TMPRSS15: variants seen among roughly 807,000 people sequenced by gnomAD.
TMPRSS15 encodes enteropeptidase.
Under a neutral mutation model 125.3 loss-of-function variants are expected in TMPRSS15, and 128 were observed. That is an observed-to-expected ratio of 1.02 (90% CI 0.89 to 1.18). TMPRSS15 has a LOEUF of 1.18. Ranked by LOEUF, TMPRSS15 falls within the 50% of genes most tolerant of loss-of-function variation. The pLI is 0.00. For synonymous variants in TMPRSS15, 446 were observed against 423.2 expected, an observed-to-expected ratio of 1.05 and a Z score of -0.66; for missense variants, 1,283 against 1,212.7, an observed-to-expected ratio of 1.06 and a Z score of -0.86.
At chr21:18,382,910 G>A (rs2075905937) in intron 4 of TMPRSS15, among the ~76,000 whole-genome samples, 1 of 151,934 alleles carries the variant, frequency 6.6e-6, no homozygotes, top group African/African-American at 2.4e-5. Flanking sequence ...TATTTTTGAT[G>A]TTCCATATTT....
chr21:18,394,869 T>C (rs2076020599), intron 3 of TMPRSS15, among the ~76,000 whole-genome samples: 1 of 152,166 alleles, frequency 6.6e-6, no homozygotes, highest in Admixed American at 6.5e-5. Flanking sequence ...CACTCTGACT[T>C]TCTGAGTATT....
At chr21:18,278,408 A>G (rs1406106317) in intron 23 of TMPRSS15, among the ~76,000 whole-genome samples, 2 of 152,130 alleles carry the variant, frequency 1.3e-5, no homozygotes, top group Non-Finnish European at 2.9e-5. Context: ...TGCAATCTGA[A>G]GAAATTTTTA....
At chr21:18,411,843 G>A (rs117544315) in intron 1 of TMPRSS15, among the ~76,000 whole-genome samples, 3,009 of 152,220 alleles carry the variant, frequency 0.02, 49 homozygotes, top group Non-Finnish European at 0.031. Context: ...AGAACATGCT[G>A]AACCGCATAG....
intron 16 of TMPRSS15, among the ~76,000 whole-genome samples, chr21:18,315,859 A>C (rs1451760416): frequency 6.8e-6 from 1 of 147,098 alleles, no homozygotes; most frequent in East Asian, 2.0e-4. Context: ...ATATATATAT[A>C]TAAAATAATA....
intron 12 of TMPRSS15, 81 bp downstream of exon 12, chr21:18,343,425 A>T (rs1001871620): frequency 3.8e-6 from 5 of 1,299,242 alleles, no homozygotes; most frequent in Admixed American, 2.0e-5. Context: ...AAATACATTA[A>T]TTTTTTCACT....
chr21:18,372,238 C>T lies in TMPRSS15; in HGVS notation c.619G>A (p.Glu207Lys), dbSNP rs377566419. ...TCAGAACCATCTGGACAGTTTACTT[C>T]TCCATCACAAAATAAATCAGCTTTT... ...CIKADLFCDG[E>K]VNCPDGSDED... Residue 207 changes from glutamate to lysine, a missense_variant, in exon 6 of 25, where the codon GAA becomes AAA. By Grantham distance (56) the Glu-to-Lys change is moderately conservative. Transcript: ENST00000284885. The T allele has an allele frequency of 6.2e-7, 1 of 1,612,420 alleles. No individual in the cohort carries two copies.
At chr21:18,451,289 T>C (rs1978335698) in intron 1 of TMPRSS15, among the ~76,000 whole-genome samples, 1 of 152,208 alleles carries the variant, frequency 6.6e-6, no homozygotes. Flanking sequence ...TTATTTTTAC[T>C]GTACACAGTT....
intron 1 of TMPRSS15, among the ~76,000 whole-genome samples, chr21:18,465,023 C>A (rs2122955101): frequency 2.0e-5 from 3 of 152,240 alleles, no homozygotes; most frequent in South Asian, 2.1e-4. Context: ...AAAATACAGG[C>A]AAAACGAATA....
intron 22 of TMPRSS15, 34 bp downstream of exon 22, chr21:18,281,006 G>C: frequency 1.9e-6 from 3 of 1,601,758 alleles, no homozygotes; most frequent in Non-Finnish European, 2.6e-6. Flanking sequence ...AATTTTGGCA[G>C]ATAAGATGAC....
intron 22 of TMPRSS15, among the ~76,000 whole-genome samples, chr21:18,279,678 T>C (rs1386189269): frequency 2.0e-5 from 3 of 151,942 alleles, no homozygotes; most frequent in Non-Finnish European, 4.4e-5. Context: ...GTTCTGGAGG[T>C]AATCATTTAT....
chr21:18,470,820 T>C (rs1326974468), intron 1 of TMPRSS15, among the ~76,000 whole-genome samples: 2 of 152,048 alleles, frequency 1.3e-5, no homozygotes, highest in Non-Finnish European at 2.9e-5. Flanking sequence ...CCTCAAAATA[T>C]AGTATAAAAA....
chr21:18,459,573 T>C (rs761647633), intron 1 of TMPRSS15, among the ~76,000 whole-genome samples: 1 of 152,146 alleles, frequency 6.6e-6, no homozygotes, highest in Non-Finnish European at 1.5e-5. Context: ...TACTCTTAAG[T>C]CAATATCTCA....
chr21:18,393,725 A>T (rs1569053542), intron 3 of TMPRSS15, among the ~76,000 whole-genome samples: 1 of 152,208 alleles, frequency 6.6e-6, no homozygotes, highest in Non-Finnish European at 1.5e-5. Context: ...TACCTTAATC[A>T]TCACATAAAT....
chr21:18,483,971 T>C (rs1979032199), intron 1 of TMPRSS15, among the ~76,000 whole-genome samples: 1 of 151,918 alleles, frequency 6.6e-6, no homozygotes, highest in African/African-American at 2.4e-5. Flanking sequence ...TTATTTTTTA[T>C]TTTATATGAC....
intron 18 of TMPRSS15, among the ~76,000 whole-genome samples, chr21:18,306,252 T>C (rs2075037128): frequency 6.6e-6 from 1 of 152,192 alleles, no homozygotes; most frequent in Non-Finnish European, 1.5e-5. Context: ...GCAGAAGCAC[T>C]ATATGTCTAC....
At chr21:18,410,114 G>T in intron 1 of TMPRSS15, among the ~76,000 whole-genome samples, 1 of 114,948 alleles carries the variant, frequency 8.7e-6, no homozygotes, top group African/African-American at 4.3e-5. Flanking sequence ...ACCTGGATAT[G>T]CATTTTTTTT....
rs143461162 is a variant in TMPRSS15 at position 18,383,735 on chromosome 21, A to G, written c.388T>C (p.Trp130Arg). The G allele has an allele frequency of 1.2e-4, 190 of 1,613,832 alleles. No homozygotes were observed. The highest frequency in any genetic ancestry group is 1.5e-4 in the Non-Finnish European group (181 of 1,179,880). Residue 130 changes from tryptophan (W) to arginine (R), a missense_variant, in exon 4 of 25, where the codon TGG becomes CGG. Physicochemically the swap from Trp to Arg is moderately radical, Grantham distance 101. Transcript: ENST00000284885. ...TCTTTTACATTTTCATCTGACACCC[A>G]CTGGGCAAAGAAAAGGTCAAATACG... is the stretch of plus-strand genomic sequence containing the variant. ...IVVFDLFFAQ[W>R]VSDENVKEEL...
Position 18,353,026 on chromosome 21 carries a change from C to G in TMPRSS15, c.1048G>C (p.Glu350Gln). The G allele has an allele frequency of 6.2e-7, 1 of 1,610,156 alleles. No homozygotes were observed. The highest frequency in any genetic ancestry group is 8.5e-7 in the Non-Finnish European group (1 of 1,178,408). ...NNYEKINCNF[E>Q]DGFCFWVQDL... ...TGGACCCAGAAACAAAAGCCATCCT[C>G]AAAGTTACAATTAATTTTCTCATAA... The change falls in exon 10 of 25, where the codon GAG becomes CAG. Residue 350 changes from glutamate (E) to glutamine (Q), a missense_variant. Coordinates refer to ENST00000284885, the MANE Select transcript of TMPRSS15 (RefSeq NM_002772.3).
Position 18,439,569 on chromosome 21 carries a change from TC to T in TMPRSS15, c.11-41241del, listed in dbSNP as rs1381577068. Among the ~76,000 whole-genome samples, 7 of 152,326 alleles carry T rather than the reference TC, an allele frequency of 4.6e-5. No homozygotes were observed. The East Asian group carries it at 1.4e-3, about 29-fold the overall frequency. ...ATACTAACTGCATTATTTTTCCAAT[TC>T]AAATAGCATTGGTCATCGTGTTTTA... is the stretch of plus-strand genomic sequence containing the variant. On this transcript the variant is annotated intron_variant, in intron 1 of 7. Transcript: ENST00000422787.
Sources: gnomAD v4.1 joint callset for allele counts (sites outside exome capture counted in the v4.1 genomes callset) on GRCh38, gnomAD v4.1.1 for gene constraint, MANE v1.5 for transcripts, NCBI Gene and HGNC (gene_info 2026-07-23, HGNC 2026-07-21) for gene names.